Variants in RYR1 observed in about 807,000 individuals in gnomAD.
RYR1 encodes central core disease of muscle.
Under a neutral mutation model 583.5 loss-of-function variants are expected in RYR1, and 342 were observed. That is an observed-to-expected ratio of 0.59 (90% CI 0.54 to 0.64). The LOEUF (loss-of-function observed/expected upper bound fraction) is 0.64, where lower values mean the gene tolerates loss of function less well. Ranked by LOEUF, RYR1 falls within the 30% of genes least tolerant of loss-of-function variation. The probability of loss-of-function intolerance (pLI) is 0.00; values close to 1 mark genes in which losing one functional copy is unlikely to be tolerated. For missense variants in RYR1, 6,032 were observed against 6,917.2 expected, an observed-to-expected ratio of 0.87 and a Z score of 4.54; for synonymous variants, 2,791 against 2,822.5, an observed-to-expected ratio of 0.99 and a Z score of 0.35.
At chr19:38,567,730 C>T (rs200025780) in intron 92 of RYR1, 43 bp from the exon 93 acceptor site, 166 of 1,614,108 alleles carry the variant, frequency 1.0e-4, no homozygotes, top group Admixed American at 7.0e-4. Context: ...TCATGCATTG[C>T]CTGCCCAGGC....
chr19:38,457,461 C>G (rs1476995529), intron 16 of RYR1, 36 bp from the exon 17 acceptor site: 1 of 1,613,964 alleles, frequency 6.2e-7, no homozygotes, highest in South Asian at 1.1e-5. Context: ...TGCCCTGGTG[C>G]CTACACACCC....
At position 38,528,296 on chromosome 19, in the gene RYR1, C is replaced by A; in HGVS notation, c.10825-10C>A. On this transcript the variant is annotated splice_polypyrimidine_tract_variant and intron_variant, in intron 73 of 105. Coordinates refer to ENST00000359596, the MANE Select transcript of RYR1 (RefSeq NM_000540.3). ...CTGGGGATGTGACTGTCCTGCTATC[C>A]CCTCCCCAGACCGAGCACCCTTACA... is the stretch of plus-strand genomic sequence containing the variant. The A allele has an allele frequency of 6.2e-7, 1 of 1,610,926 alleles. No individual in the cohort carries two copies. The highest frequency in any genetic ancestry group is 8.5e-7 in the Non-Finnish European group (1 of 1,177,284).
intron 11 of RYR1, among the ~76,000 whole-genome samples, chr19:38,450,791 C>CTAAATAAA (rs58041310): frequency 2.6e-5 from 4 of 151,416 alleles, no homozygotes; most frequent in Admixed American, 2.0e-4. Context: ...AAATAAATAA[C>CTAAATAAA]TAAATAAAGG....
chr19:38,467,563 T>A, intron 24 of RYR1, 47 bp from the exon 25 acceptor site: 3 of 1,600,804 alleles, frequency 1.9e-6, no homozygotes, highest in Non-Finnish European at 2.6e-6. Context: ...TGTCTTGGGA[T>A]CCACATCTTC....
chr19:38,548,424 G>A lies in RYR1; in HGVS notation c.12282+4G>A, dbSNP rs747549461. The A allele has an allele frequency of 6.2e-7, 1 of 1,612,956 alleles. No homozygotes were observed. Among genetic ancestry groups the A allele is most frequent in the East Asian group, 2.2e-5 (1 of 44,854 alleles). On this transcript the variant is annotated splice_donor_region_variant and intron_variant, in intron 89 of 105. Coordinates refer to ENST00000359596, the MANE Select transcript of RYR1 (RefSeq NM_000540.3). ...CTCCAAGAAGGACTTCCAGAAGGTG[G>A]GTGTGGGACATCGTGTGGGCCCAGG...
rs1053296681 is a variant in RYR1 at position 38,565,926 on chromosome 19, G to A, written c.13437+155G>A. ...GGACGCACCCATGGAGGACGCACAC[G>A]GGGACAGCGGGCGCCGGGCAAGAGA... On this transcript the variant is annotated intron_variant, in intron 91 of 105. Transcript: ENST00000359596. This position sits in a 1 kb window ranked among gnomAD's most constrained non-coding sequence, Gnocchi z 4.7. 6.6e-6 allele frequency among the ~76,000 whole-genome samples: 1 copy of A among 152,022 alleles called. No homozygotes were observed. The highest frequency in any genetic ancestry group is 1.5e-5 in the Non-Finnish European group (1 of 68,002).
At position 38,448,816 on chromosome 19, in the gene RYR1, G is replaced by A. The variant is rs1402389520; in HGVS notation, c.1122+3G>A. ...GGCTCGGCGTGCTCAAGAAGAAGGT[G>A]GGTGTAATCCCAGCTACTCAGGAGG... On this transcript the variant is annotated splice_donor_region_variant and intron_variant, in intron 11 of 105. Coordinates refer to ENST00000359596, the MANE Select transcript of RYR1 (RefSeq NM_000540.3). 3 of 1,613,246 alleles carry A rather than the reference G, an allele frequency of 1.9e-6. No individual in the cohort carries two copies. In the Admixed American group the frequency reaches 5.0e-5, roughly 27 times the overall value.
rs1968302746 is a variant in RYR1, at chr19:38,469,472, C to T, written c.3724C>T (p.Pro1242Ser). 1.2e-6 allele frequency: 2 copies of T among 1,614,014 alleles called. No homozygotes were observed. Among genetic ancestry groups the T allele is most frequent in the Non-Finnish European group, 1.7e-6 (2 of 1,180,030 alleles). ...CACCACCTGGTTCAGCAAAGGCCTG[C>T]CCCAGTTTGAGCCAGTGCCCCTTGA... ...PVTTWFSKGL[P>S]QFEPVPLEHP... The change falls in exon 27 of 106, where the codon CCC (proline) becomes TCC (serine). Residue 1242 changes from proline (P) to serine (S), a missense_variant. This residue lies in a region of RYR1 where 2,627 missense variants were observed against 2,961.3 expected (regional missense o/e 0.89). Transcript: ENST00000359596.
At position 38,504,892 on chromosome 19, in the gene RYR1, C is replaced by G. The variant is rs772766489; in HGVS notation, c.8212C>G (p.Arg2738Gly). ...TVDAEGNFDPRPVETLNVIIP... is the reference protein window; with the variant it reads ...TVDAEGNFDPGPVETLNVIIP... ...GGATGCTGAAGGCAACTTTGATCCC[C>G]GGCCTGTGGAGACCCTCAAGTGAGG... The change falls in exon 51 of 106, where the codon CGG becomes GGG. Residue 2738 changes from arginine to glycine, a missense_variant. Physicochemically the swap from Arg to Gly is moderately radical, Grantham distance 125. Coordinates refer to ENST00000359596, the MANE Select transcript of RYR1 (RefSeq NM_000540.3). 1.2e-6 allele frequency: 2 copies of G among 1,614,108 alleles called. No homozygotes were observed. The highest frequency in any genetic ancestry group is 3.3e-5 in the Admixed American group (2 of 60,010).
At position 38,507,754 on chromosome 19, in the gene RYR1, G is replaced by T; in HGVS notation, c.8859G>T (p.Lys2953Asn). ...AACTGGACTCGTCTTCCATTGAAAAGCGGTTTGCCTTTGGCTTCCTGCAGC... is the reference window on the plus strand; with the variant it reads ...AACTGGACTCGTCTTCCATTGAAAATCGGTTTGCCTTTGGCTTCCTGCAGC... ...DMELDSSSIE[K>N]RFAFGFLQQL... Residue 2953 changes from lysine (K) to asparagine (N), a missense_variant, in exon 58 of 106, where the codon AAG becomes AAT. Physicochemically the swap from Lys to Asn is moderately conservative, Grantham distance 94. This residue lies in a region of RYR1 where 1,493 missense variants were observed against 1,715.5 expected (regional missense o/e 0.87). Transcript: ENST00000359596. 2 of 1,613,952 alleles carry T rather than the reference G, an allele frequency of 1.2e-6. No individual in the cohort carries two copies. The highest frequency in any genetic ancestry group is 2.2e-5 in the South Asian group (2 of 91,074).
rs932251766 is a variant in RYR1, at chr19:38,500,446, G to T, written c.7324-160G>T. On this transcript the variant is annotated intron_variant, in intron 45 of 105. Coordinates refer to ENST00000359596, the MANE Select transcript of RYR1 (RefSeq NM_000540.3). This position sits in a 1 kb window ranked among gnomAD's most constrained non-coding sequence, Gnocchi z 5.9. The stretch of plus-strand genomic sequence containing the variant: ...CAAGGAGAGAGGTCGGGACTGGGGT[G>T]GGGGGGCACAGGCAGAGGAACGAGG... Among the ~76,000 whole-genome samples the T allele has an allele frequency of 1.2e-4, 18 of 151,020 alleles. No homozygotes were observed. Among genetic ancestry groups the T allele is most frequent in the African/African-American group, 3.4e-4 (14 of 41,052 alleles).
In RYR1 at chr19:38,561,468, C is replaced by T. The variant is rs75797287; in HGVS notation, c.12624+14C>T. ...GAGATGCCCCAGGTCAGGGAACCCG[C>T]GCGCGTGCAAGCTCGCCTCCTGGGG... On this transcript the variant is annotated intron_variant, in intron 90 of 105. Transcript: ENST00000359596. The surrounding 1 kb of genome is among the most constrained non-coding windows in gnomAD (Gnocchi z 4.8). 7.6e-3 allele frequency: 12,154 copies of T among 1,600,464 alleles called. 1,397 individuals are homozygous for T. The East Asian group carries it at 0.24, about 31-fold the overall frequency.
chr19:38,453,899 G>C, intron 13 of RYR1, among the ~76,000 whole-genome samples: 1 of 152,050 alleles, frequency 6.6e-6, no homozygotes, highest in Non-Finnish European at 1.5e-5. Context: ...GCCACAGGAG[G>C]TTTTGGTCCT....
intron 1 of RYR1, among the ~76,000 whole-genome samples, chr19:38,436,210 T>TC (rs1488723105): frequency 6.6e-6 from 1 of 151,330 alleles, no homozygotes; most frequent in East Asian, 1.9e-4. Flanking sequence ...ACGCCCGGCC[T>TC]TTTTTTTTCT....
In RYR1 at chr19:38,561,586, C is replaced by T; in HGVS notation, c.12624+132C>T. ...TCTGCCCTGCTCCGGCAAGCCCACG[C>T]CCACCCTTTTGTACACATTTCGTCC... On this transcript the variant is annotated intron_variant, in intron 90 of 105. Transcript: ENST00000359596. The surrounding 1 kb of genome is among the most constrained non-coding windows in gnomAD (Gnocchi z 4.8). 1 of 880,106 alleles carries T rather than the reference C, an allele frequency of 1.1e-6. No homozygotes were observed. The allele number at this position is 880,106 out of a possible 1,614,324, so 54.5% of individuals were successfully genotyped here.
intron 15 of RYR1, 29 bp from the exon 16 acceptor site, chr19:38,455,604 T>A: frequency 6.2e-7 from 1 of 1,607,650 alleles, no homozygotes; most frequent in Non-Finnish European, 8.5e-7. Flanking sequence ...GCATGGCCGC[T>A]TCACCTCTCA....
Position 38,500,587 on chromosome 19 carries a change from C to T in RYR1, c.7324-19C>T, listed in dbSNP as rs12981175. 1 of 1,611,818 alleles carries T rather than the reference C, an allele frequency of 6.2e-7. No homozygotes were observed. Among genetic ancestry groups the T allele is most frequent in the Admixed American group, 1.7e-5 (1 of 59,980 alleles). On this transcript the variant is annotated intron_variant, in intron 45 of 105. Coordinates refer to ENST00000359596, the MANE Select transcript of RYR1 (RefSeq NM_000540.3). This position sits in a 1 kb window ranked among gnomAD's most constrained non-coding sequence, Gnocchi z 5.9. The stretch of plus-strand genomic sequence containing the variant: ...ACCAGCGCCTGATGAGTGCCCCTCT[C>T]CCTCCCTCTACTCCCCAGCTAATCC...
rs774197359 is a variant in RYR1 at position 38,515,026 on chromosome 19, T to G, written c.9473T>G (p.Leu3158Arg). 5 of 1,611,914 alleles carry G rather than the reference T, an allele frequency of 3.1e-6. No individual in the cohort carries two copies. The South Asian group carries it at 5.5e-5, about 18-fold the overall frequency. ...CAGCCTCGCCCCCTGTCTCCCTCAGTGGACGACGTCCAGGTCTCTTGCTAC... is the reference window on the plus strand; with the variant it reads ...CAGCCTCGCCCCCTGTCTCCCTCAGGGGACGACGTCCAGGTCTCTTGCTAC... ...AQHQFGDDVI[L>R]DDVQVSCYRT... Residue 3158 changes from leucine (L) to arginine (R), a missense_variant and splice_region_variant, in exon 64 of 106, where the codon CTG (leucine) becomes CGG (arginine). Physicochemically the swap from Leu to Arg is moderately radical, Grantham distance 102 (BLOSUM62 -2). Coordinates refer to ENST00000359596, the MANE Select transcript of RYR1 (RefSeq NM_000540.3).
chr19:38,569,268 A>C (rs986069669), intron 93 of RYR1, among the ~76,000 whole-genome samples: 2 of 151,958 alleles, frequency 1.3e-5, no homozygotes, highest in Non-Finnish European at 2.9e-5. Flanking sequence ...TGGCCTCCCA[A>C]AGTGCTGGGA....
Sources: allele counts gnomAD v4.1 joint callset (sites outside exome capture counted in the v4.1 genomes callset), GRCh38; gene constraint gnomAD v4.1.1; regional missense constraint gnomAD v4.1.1; non-coding constraint Gnocchi (gnomAD v3.1); transcripts MANE v1.5; gene names NCBI Gene and HGNC (gene_info 2026-07-23, HGNC 2026-07-21).